Variants in SATB1 observed in about 807,000 individuals in gnomAD.
SATB1 encodes DNA-binding protein SATB1.
In SATB1, 11 loss-of-function variants were observed where a neutral mutation model predicts 86.9. That is an observed-to-expected ratio of 0.13 (90% CI 0.08 to 0.21). SATB1 has a LOEUF of 0.21. Among genes scored for constraint, SATB1 ranks in the 10% least tolerant of loss-of-function variants. The pLI is 1.00. For missense variants in SATB1, 551 were observed against 937.6 expected (o/e 0.59, Z 5.39); for synonymous variants, 357 against 357.2 (o/e 1.00, Z 0.01).
At chr3:18,355,550 T>C (rs1391451044) in intron 9 of SATB1, among the ~76,000 whole-genome samples, 1 of 152,010 alleles carries the variant, frequency 6.6e-6, no homozygotes, top group East Asian at 1.9e-4. Context: ...AAAATAATGA[T>C]TCCCCAAAGT....
chr3:18,379,190 A>G (rs13099497), intron 8 of SATB1, among the ~76,000 whole-genome samples: 35,074 of 152,112 alleles, frequency 0.23, 4,461 homozygotes, highest in Non-Finnish European at 0.26. Flanking sequence ...AAATGCCACA[A>G]AATTTTAGGG....
upstream of SATB1, among the ~76,000 whole-genome samples, chr3:18,440,571 A>G (rs1397891488): frequency 1.3e-5 from 2 of 152,200 alleles, no homozygotes; most frequent in African/African-American, 2.4e-5. Context: ...AGTTTAATGC[A>G]GCGTAAATAA....
chr3:18,435,393 C>A (rs1275764829), intron 2 of SATB1: 1 of 152,118 alleles, frequency 6.6e-6, no homozygotes, highest in Non-Finnish European at 1.5e-5. Context: ...GAAGCAGCAT[C>A]CTTTTATTTC....
In SATB1 at chr3:18,444,012, G is replaced by C. The variant is rs1342790671; in HGVS notation, c.-25+1506C>G. On this transcript the variant is annotated intron_variant, in intron 1 of 3. Coordinates refer to the SATB1 transcript ENST00000415069. This position sits in a 1 kb window ranked among gnomAD's most constrained non-coding sequence, Gnocchi z 5.1. ...GAGTAGCTCCCGGGATGCAGAAGTTGCCACAAACTTCCCAGGCCCCTCTTC... is the reference window on the plus strand; with the variant it reads ...GAGTAGCTCCCGGGATGCAGAAGTTCCCACAAACTTCCCAGGCCCCTCTTC... Among the ~76,000 whole-genome samples the C allele has an allele frequency of 6.6e-6, 1 of 152,152 alleles. No individual in the cohort carries two copies. The highest frequency in any genetic ancestry group is 2.4e-5 in the African/African-American group (1 of 41,422).
At chr3:18,404,140 A>C (rs1186594364) in intron 5 of SATB1, among the ~76,000 whole-genome samples, 2 of 152,118 alleles carry the variant, frequency 1.3e-5, no homozygotes, top group Non-Finnish European at 2.9e-5. Context: ...AATTTGTTGA[A>C]AATTAACAGG....
chr3:18,403,721 A>C (rs1697383628), intron 5 of SATB1, among the ~76,000 whole-genome samples: 1 of 152,084 alleles, frequency 6.6e-6, no homozygotes. Flanking sequence ...ATTTTCAGGG[A>C]TGGAACACTA....
intron 9 of SATB1, among the ~76,000 whole-genome samples, chr3:18,363,314 T>C (rs950558767): frequency 1.3e-5 from 2 of 152,126 alleles, no homozygotes; most frequent in Admixed American, 6.5e-5. Flanking sequence ...TTATACAAAC[T>C]TGCTAATCAG....
chr3:18,389,626 T>G (rs1253372223), intron 7 of SATB1, among the ~76,000 whole-genome samples: 1 of 152,108 alleles, frequency 6.6e-6, no homozygotes, highest in South Asian at 2.1e-4. Flanking sequence ...CCAAAAATTC[T>G]TCATGCTAAA....
intron 8 of SATB1, among the ~76,000 whole-genome samples, chr3:18,381,313 G>A (rs977105250): frequency 6.6e-6 from 1 of 152,098 alleles, no homozygotes; most frequent in Non-Finnish European, 1.5e-5. Flanking sequence ...ATGAAGAATT[G>A]CCTGCAAGCA....
chr3:18,387,208 C>T (rs1696388790), intron 7 of SATB1, among the ~76,000 whole-genome samples: 1 of 152,216 alleles, frequency 6.6e-6, no homozygotes, highest in South Asian at 2.1e-4. Flanking sequence ...TTACCATTTT[C>T]AGAGAACCTC....
In SATB1 at chr3:18,347,476, C is replaced by A. The variant is rs1049189144; in HGVS notation, c.*1694G>T. The stretch of plus-strand genomic sequence containing the variant: ...TTACGAGCTCAGTTATTAACTTATT[C>A]CACTTATAACTTGTGAAAAAAAAAA... On this transcript the variant is annotated 3_prime_UTR_variant, in exon 11 of 11. Transcript: ENST00000338745. The A allele has an allele frequency of 3.3e-5, 5 of 151,378 alleles. No homozygotes were observed. Among genetic ancestry groups the A allele is most frequent in the Non-Finnish European group, 4.4e-5 (3 of 67,966 alleles). The allele number at this position is 151,378 out of a possible 1,614,324, so 9.4% of individuals were successfully genotyped here.
chr3:18,383,021 C>G (rs1696140770), intron 8 of SATB1, among the ~76,000 whole-genome samples: 1 of 152,186 alleles, frequency 6.6e-6, no homozygotes, highest in Non-Finnish European at 1.5e-5. Context: ...TAGCTTTTAT[C>G]AAGTTAGGGT....
In SATB1 at chr3:18,346,747, C is replaced by CTAT. The variant is rs1694077780; in HGVS notation, c.*2420_*2422dup. ...AACATTCATCATTTCACTGAAAACACTATTTCAAAATAATTTAGGTTATTA... is the reference window on the plus strand; with the variant it reads ...AACATTCATCATTTCACTGAAAACACTATTATTTCAAAATAATTTAGGTTATTA... On this transcript the variant is annotated 3_prime_UTR_variant, in exon 11 of 11. Transcript: ENST00000338745. 6.6e-6 allele frequency: 1 copy of CTAT among 152,070 alleles called. No homozygotes were observed. The highest frequency in any genetic ancestry group is 2.4e-5 in the African/African-American group (1 of 41,414). The allele number at this position is 152,070 out of a possible 1,614,324, so 9.4% of individuals were successfully genotyped here.
At chr3:18,363,075 C>T (rs1197171973) in intron 9 of SATB1, among the ~76,000 whole-genome samples, 1 of 152,228 alleles carries the variant, frequency 6.6e-6, no homozygotes, top group Non-Finnish European at 1.5e-5. Flanking sequence ...AAATGAGCTA[C>T]ACTCCCTATT....
In SATB1 at chr3:18,347,729, G is replaced by T. The variant is rs1289670131; in HGVS notation, c.*1441C>A. ...CCTATCTCTACTTATTAAGCAAAAT[G>T]TTAACCAAACAGGTTATTTTCATTG... On this transcript the variant is annotated 3_prime_UTR_variant, in exon 11 of 11. Coordinates refer to ENST00000338745, the MANE Select transcript of SATB1 (RefSeq NM_002971.6). The T allele has an allele frequency of 1.3e-5, 2 of 152,110 alleles. No homozygotes were observed. Among genetic ancestry groups the T allele is most frequent in the African/African-American group, 4.8e-5 (2 of 41,428 alleles). The allele number at this position is 152,110 out of a possible 1,614,324, so 9.4% of individuals were successfully genotyped here.
In SATB1 at chr3:18,345,855, TATC is replaced by T. The variant is rs1338940643; in HGVS notation, c.*3312_*3314del. 6.6e-6 allele frequency: 1 copy of T among 152,082 alleles called. No homozygotes were observed. The highest frequency in any genetic ancestry group is 2.4e-5 in the African/African-American group (1 of 41,428). The allele number at this position is 152,082 out of a possible 1,614,324, so 9.4% of individuals were successfully genotyped here. On this transcript the variant is annotated 3_prime_UTR_variant, in exon 11 of 11. Coordinates refer to ENST00000338745, the MANE Select transcript of SATB1 (RefSeq NM_002971.6). ...ATATTGTGACAATCAAAGACCTTAA[TATC>T]AGCCAGATGCTAACAATTGGGAATA... is the stretch of plus-strand genomic sequence containing the variant.
Position 18,444,291 on chromosome 3 carries a change from TG to T in SATB1, c.-25+1226del, listed in dbSNP as rs1699321599. On this transcript the variant is annotated intron_variant, in intron 1 of 3. Transcript: ENST00000415069. This position sits in a 1 kb window ranked among gnomAD's most constrained non-coding sequence, Gnocchi z 5.1. Reference sequence around the variant, plus strand: ...GCCATACCGGTGACCTGAAGGAGTTTGTTCAGCCAGGGTCTATTGGGCAGGT... The same window carrying T: ...GCCATACCGGTGACCTGAAGGAGTTTTTCAGCCAGGGTCTATTGGGCAGGT... Among the ~76,000 whole-genome samples, 2 of 151,902 alleles carry T rather than the reference TG, an allele frequency of 1.3e-5. No homozygotes were observed. The highest frequency in any genetic ancestry group is 4.2e-4 in the South Asian group (2 of 4,798).
At chr3:18,395,915 C>T (rs540516713) in intron 6 of SATB1, among the ~76,000 whole-genome samples, 20 of 152,220 alleles carry the variant, frequency 1.3e-4, no homozygotes, top group Non-Finnish European at 2.5e-4. Flanking sequence ...TGTACATAAA[C>T]AGGACTTTCC....
At chr3:18,364,444 G>A (rs1372288060) in intron 9 of SATB1, among the ~76,000 whole-genome samples, 2 of 151,650 alleles carry the variant, frequency 1.3e-5, no homozygotes, top group Admixed American at 1.3e-4. Context: ...CAACATAATA[G>A]GACAGGAAAA....
Sources: gnomAD v4.1 joint callset for allele counts (sites outside exome capture counted in the v4.1 genomes callset) on GRCh38, gnomAD v4.1.1 for gene constraint, Gnocchi (gnomAD v3.1) non-coding constraint, MANE v1.5 for transcripts, NCBI Gene and HGNC (gene_info 2026-07-23, HGNC 2026-07-21) for gene names.